HMGB1: variants seen among roughly 807,000 people sequenced by gnomAD.
HMGB1 encodes high mobility group protein B1.
For synonymous variants in HMGB1, 81 were observed against 84.0 expected (o/e 0.96, Z 0.19); for missense variants, 79 against 253.5 (o/e 0.31, Z 4.67).
intron 1 of HMGB1, among the ~76,000 whole-genome samples, chr13:30,546,910 A>AACACAC (rs1340005964): frequency 6.6e-6 from 1 of 152,214 alleles, no homozygotes; most frequent in Non-Finnish European, 1.5e-5. Context: ...AACCCCCTAC[A>AACACAC]ACACACACAT....
At chr13:30,523,525 G>GT (rs11456813) in intron 1 of HMGB1, among the ~76,000 whole-genome samples, 116,703 of 150,584 alleles carry the variant, frequency 0.78, 45,783 homozygotes, top group Non-Finnish European at 0.84. Flanking sequence ...CTGAAGCCAA[G>GT]TTTTTTTTTT....
rs79437412 is a variant in HMGB1, at chr13:30,521,971, C to G, written c.-14-58277G>C. On this transcript the variant is annotated intron_variant, in intron 1 of 4. Transcript: ENST00000405805. ...GCACTTATTTTTAAAGCACTTTCAC[C>G]TGCATTTTCTCATTTGATCCTTGCA... Among the ~76,000 whole-genome samples, 1,067 of 152,302 alleles carry G rather than the reference C, an allele frequency of 7.0e-3. 18 individuals carry two copies. The highest frequency in any genetic ancestry group is 0.024 in the African/African-American group (1,001 of 41,552).
In HMGB1 at chr13:30,465,785, C is replaced by G; in HGVS notation, c.-15+11G>C. Reference sequence around the variant, plus strand: ...GGCGCTCTCCCCGCCGCGGCGCTGCCCCAGACTCACCCTCAGCGAGGCACA... The same window carrying G: ...GGCGCTCTCCCCGCCGCGGCGCTGCGCCAGACTCACCCTCAGCGAGGCACA... On this transcript the variant is annotated intron_variant, in intron 1 of 4. Coordinates refer to ENST00000341423, the MANE Select transcript of HMGB1 (RefSeq NM_002128.7). The G allele has an allele frequency of 2.0e-6, 2 of 985,702 alleles. No individual in the cohort carries two copies. Among genetic ancestry groups the G allele is most frequent in the Non-Finnish European group, 2.4e-6 (2 of 829,844 alleles). 61.1% of individuals were successfully genotyped at this position (985,702 alleles called of 1,614,324 possible).
chr13:30,576,692 C>T (rs1870671124), intron 1 of HMGB1, among the ~76,000 whole-genome samples: 2 of 151,862 alleles, frequency 1.3e-5, no homozygotes, highest in South Asian at 4.2e-4. Flanking sequence ...ACATCAGCAT[C>T]GCAACTATCT....
intron 1 of HMGB1, among the ~76,000 whole-genome samples, chr13:30,527,351 CT>C (rs1045279783): frequency 3.5e-4 from 54 of 152,182 alleles, no homozygotes; most frequent in African/African-American, 1.3e-3. Context: ...GGTGGGCCCC[CT>C]GACCTTTGTC....
upstream of HMGB1, among the ~76,000 whole-genome samples, chr13:30,470,633 T>C (rs1189116446): frequency 6.6e-6 from 1 of 152,176 alleles, no homozygotes; most frequent in African/African-American, 2.4e-5. Context: ...TTGTTACCAA[T>C]TGGCTTTTTA....
At chr13:30,565,385 C>T (rs1870145257) in intron 1 of HMGB1, among the ~76,000 whole-genome samples, 1 of 152,028 alleles carries the variant, frequency 6.6e-6, no homozygotes, top group Admixed American at 6.6e-5. Context: ...AATCTGAGGG[C>T]TTAAGAAAGA....
chr13:30,519,494 G>A (rs1477576582), intron 1 of HMGB1, among the ~76,000 whole-genome samples: 3 of 150,062 alleles, frequency 2.0e-5, no homozygotes, highest in Non-Finnish European at 3.0e-5. Flanking sequence ...AGGAGATCGA[G>A]ACCATCCCGG....
rs1870892957 is a variant in HMGB1, at chr13:30,581,316, G to A, written c.-15+35355C>T. ...TAGCACTTTTCTCAGCCCAGCTTTT[G>A]ATGATAGCTGAACAGACTAACAGTT... On this transcript the variant is annotated intron_variant, in intron 1 of 4. Transcript: ENST00000405805. Among the ~76,000 whole-genome samples, 3 of 152,124 alleles carry A rather than the reference G, an allele frequency of 2.0e-5. No individual in the cohort carries two copies. The South Asian group carries it at 6.2e-4, about 32-fold the overall frequency.
chr13:30,542,617 G>A (rs1868945907), intron 1 of HMGB1: 1 of 170,492 alleles, frequency 5.9e-6, no homozygotes, highest in South Asian at 1.2e-4. Context: ...TCACTCACCT[G>A]GTCCTGAAAA....
At chr13:30,546,732 A>C (rs1376468476) in intron 1 of HMGB1, among the ~76,000 whole-genome samples, 1 of 151,240 alleles carries the variant, frequency 6.6e-6, no homozygotes, top group African/African-American at 2.4e-5. Flanking sequence ...TGATCCTCCT[A>C]CCTCAGCCTT....
At chr13:30,588,077 T>C (rs776856118) in intron 1 of HMGB1, among the ~76,000 whole-genome samples, 16 of 152,212 alleles carry the variant, frequency 1.1e-4, no homozygotes, top group Non-Finnish European at 1.6e-4. Context: ...TATCATATTA[T>C]TTAAGAAACA....
intron 1 of HMGB1, among the ~76,000 whole-genome samples, chr13:30,596,502 C>A (rs1041784850): frequency 6.6e-6 from 1 of 152,176 alleles, no homozygotes; most frequent in African/African-American, 2.4e-5. Context: ...CTCATGGGAA[C>A]AACTCACGAG....
intron 1 of HMGB1, among the ~76,000 whole-genome samples, chr13:30,504,055 C>T (rs1319614820): frequency 6.6e-6 from 1 of 151,082 alleles, no homozygotes; most frequent in Non-Finnish European, 1.5e-5. Context: ...AGAAAGGCTT[C>T]CAAGAAGGAA....
At chr13:30,481,334 G>A (rs1198632096) in intron 1 of HMGB1, among the ~76,000 whole-genome samples, 1 of 152,054 alleles carries the variant, frequency 6.6e-6, no homozygotes, top group Non-Finnish European at 1.5e-5. Flanking sequence ...GCCAAGAAGG[G>A]GAAGAGTGAA....
At chr13:30,558,895 T>C (rs1311210347) in intron 1 of HMGB1, among the ~76,000 whole-genome samples, 1 of 152,208 alleles carries the variant, frequency 6.6e-6, no homozygotes, top group Non-Finnish European at 1.5e-5. Context: ...CAAGGGATTC[T>C]GATGCACGGT....
chr13:30,505,290 T>G (rs376457807), intron 1 of HMGB1, among the ~76,000 whole-genome samples: 2 of 152,032 alleles, frequency 1.3e-5, no homozygotes, highest in South Asian at 2.1e-4. Flanking sequence ...ACGATTCTCC[T>G]GCCTCAGCCT....
intron 1 of HMGB1, among the ~76,000 whole-genome samples, chr13:30,509,760 C>G (rs1354473971): frequency 2.0e-5 from 3 of 152,126 alleles, no homozygotes; most frequent in Non-Finnish European, 4.4e-5. Context: ...ATATAATGCA[C>G]TGCTGTATTC....
intron 1 of HMGB1, among the ~76,000 whole-genome samples, chr13:30,543,830 A>C (rs1163111082): frequency 6.6e-6 from 1 of 152,240 alleles, no homozygotes; most frequent in Non-Finnish European, 1.5e-5. Flanking sequence ...AGGAATGCCC[A>C]AAACTCCAGC....
Sources: allele counts gnomAD v4.1 joint callset (sites outside exome capture counted in the v4.1 genomes callset), GRCh38; gene constraint gnomAD v4.1.1; transcripts MANE v1.5; gene names NCBI Gene and HGNC (gene_info 2026-07-23, HGNC 2026-07-21).